TANGO6: variants seen among roughly 807,000 people sequenced by gnomAD.
TANGO6 encodes transport and golgi organization 6 homolog.
In TANGO6, 90 loss-of-function variants were observed where a neutral mutation model predicts 114.2. That is an observed-to-expected ratio of 0.79 (90% CI 0.66 to 0.94). The LOEUF (loss-of-function observed/expected upper bound fraction) is 0.94, where lower values mean the gene tolerates loss of function less well. TANGO6 is among the 40% of genes least tolerant of loss of function. The pLI is 0.00. For synonymous variants in TANGO6, 477 were observed against 509.8 expected (o/e 0.94, Z 0.87); for missense variants, 1,274 against 1,315.3 (o/e 0.97, Z 0.49).
At chr16:68,867,435 C>T in intron 4 of TANGO6, 2 of 530,156 alleles carry the variant, frequency 3.8e-6, no homozygotes, top group Non-Finnish European at 3.3e-6. Flanking sequence ...ACTTGTGATA[C>T]ACTGCCTATT....
chr16:68,921,721 T>C (rs1020822902), intron 12 of TANGO6, among the ~76,000 whole-genome samples: 9 of 151,460 alleles, frequency 5.9e-5, no homozygotes, highest in African/African-American at 1.7e-4. Context: ...AGAAGCCCAT[T>C]GTTGGAGGGC....
chr16:69,012,667 T>A (rs147555007), intron 15 of TANGO6, among the ~76,000 whole-genome samples: 9 of 152,036 alleles, frequency 5.9e-5, no homozygotes, highest in African/African-American at 2.2e-4. Flanking sequence ...ATCTAAATGT[T>A]GTAGTCTGTA....
chr16:69,036,115 T>C (rs985415013), intron 16 of TANGO6: 1 of 151,594 alleles, frequency 6.6e-6, no homozygotes, highest in African/African-American at 2.4e-5. Context: ...AATACACCAG[T>C]TCATCATCTA....
intron 7 of TANGO6, chr16:68,885,597 A>G (rs556474193): frequency 7.9e-5 from 12 of 152,474 alleles, no homozygotes; most frequent in African/African-American, 2.9e-4. Context: ...CAAGTGAAGC[A>G]GTCGGAGCGG....
At position 68,927,996 on chromosome 16, in the gene TANGO6, A is replaced by G; in HGVS notation, c.2556A>G (p.Pro852=). ...VLLSAYDPQI[P]TRAAALRTLS... ...TGTCAGCTTATGACCCTCAAATTCCAACACGGGCTGCTGCCCTGCGTACTC... is the reference window on the plus strand; with the variant it reads ...TGTCAGCTTATGACCCTCAAATTCCGACACGGGCTGCTGCCCTGCGTACTC... The change falls in exon 13 of 18, where the codon CCA becomes CCG. Residue 852 remains proline (P), a synonymous_variant. Transcript: ENST00000261778. The G allele has an allele frequency of 1.9e-6, 3 of 1,612,480 alleles. No individual in the cohort carries two copies.
intron 17 of TANGO6, among the ~76,000 whole-genome samples, chr16:69,080,032 G>A (rs1188467638): frequency 2.0e-5 from 3 of 152,128 alleles, no homozygotes; most frequent in African/African-American, 7.2e-5. Context: ...ACCAGCCTGC[G>A]CAATATAGCA....
chr16:69,072,492 A>T (rs1960313165), intron 17 of TANGO6, among the ~76,000 whole-genome samples: 1 of 152,052 alleles, frequency 6.6e-6, no homozygotes, highest in East Asian at 1.9e-4. Flanking sequence ...GGCTCCTGTA[A>T]CTTTACCTTT....
intron 17 of TANGO6, among the ~76,000 whole-genome samples, chr16:69,063,297 G>A (rs1241605318): frequency 1.3e-5 from 2 of 150,912 alleles, no homozygotes; most frequent in African/African-American, 4.9e-5. Context: ...AGGCCAAGGC[G>A]GGCGGATCAC....
In TANGO6 at chr16:69,083,949, G is replaced by A. The variant is rs1269932957; in HGVS notation, c.*288G>A. 1 of 246,236 alleles carries A rather than the reference G, an allele frequency of 4.1e-6. No homozygotes were observed. The highest frequency in any genetic ancestry group is 7.8e-6 in the Non-Finnish European group (1 of 128,696). 15.3% of individuals were successfully genotyped at this position (246,236 alleles called of 1,614,324 possible). On this transcript the variant is annotated 3_prime_UTR_variant, in exon 18 of 18. Coordinates refer to ENST00000261778, the MANE Select transcript of TANGO6 (RefSeq NM_024562.2). Reference sequence around the variant, plus strand: ...GCATTGAAAGAAGGATGTCTACCTGGTGAAAGTATATTTTAACATGACTGA... The same window carrying A: ...GCATTGAAAGAAGGATGTCTACCTGATGAAAGTATATTTTAACATGACTGA...
intron 16 of TANGO6, among the ~76,000 whole-genome samples, chr16:69,032,469 T>C (rs1959611739): frequency 6.6e-6 from 1 of 151,890 alleles, no homozygotes; most frequent in South Asian, 2.1e-4. Flanking sequence ...GATTTCACCA[T>C]GTTGCTCAGG....
At chr16:68,851,407 C>G (rs1406206063) in intron 1 of TANGO6, among the ~76,000 whole-genome samples, 1 of 152,174 alleles carries the variant, frequency 6.6e-6, no homozygotes, top group African/African-American at 2.4e-5. Flanking sequence ...ATCCGCCCAC[C>G]TCGGCCTCCC....
At chr16:68,943,088 A>G (rs1296614801) in intron 14 of TANGO6, among the ~76,000 whole-genome samples, 3 of 150,948 alleles carry the variant, frequency 2.0e-5, no homozygotes, top group African/African-American at 7.3e-5. Context: ...TTTTGTAGAG[A>G]CAGGATTGTG....
chr16:68,949,902 G>A (rs9922505), intron 14 of TANGO6, among the ~76,000 whole-genome samples: 12,006 of 151,854 alleles, frequency 0.079, 529 homozygotes, highest in African/African-American at 0.099. Flanking sequence ...AATATCTACC[G>A]CCTGATGAAT....
chr16:69,082,472 C>T (rs989876956), intron 17 of TANGO6, among the ~76,000 whole-genome samples: 4 of 151,008 alleles, frequency 2.6e-5, no homozygotes, highest in South Asian at 2.1e-4. Flanking sequence ...CTAGGCCAGG[C>T]GGGGTGGCTC....
At chr16:68,885,546 G>T (rs771360459) in intron 7 of TANGO6, 1 of 152,186 alleles carries the variant, frequency 6.6e-6, no homozygotes, top group Non-Finnish European at 1.5e-5. Context: ...TGGAATCATA[G>T]AATTTATGGT....
intron 16 of TANGO6, among the ~76,000 whole-genome samples, chr16:69,039,126 T>A (rs968562246): frequency 1.3e-5 from 2 of 151,804 alleles, no homozygotes; most frequent in African/African-American, 4.8e-5. Flanking sequence ...CGGAGCTTGC[T>A]GTGAGCCAAG....
chr16:68,870,404 C>T (rs1398963920), intron 4 of TANGO6, among the ~76,000 whole-genome samples: 2 of 152,098 alleles, frequency 1.3e-5, no homozygotes, highest in Admixed American at 6.6e-5. Context: ...TATTGCCTCC[C>T]CTCAGTTCTC....
chr16:68,971,822 G>A (rs1319506494), intron 14 of TANGO6, among the ~76,000 whole-genome samples: 1 of 151,346 alleles, frequency 6.6e-6, no homozygotes, highest in Non-Finnish European at 1.5e-5. Flanking sequence ...TAGTAGAGAC[G>A]GGGTTTCACC....
chr16:68,934,628 A>G (rs1215274868), intron 14 of TANGO6, among the ~76,000 whole-genome samples: 5 of 152,150 alleles, frequency 3.3e-5, no homozygotes, highest in African/African-American at 4.8e-5. Flanking sequence ...GTGCTTATGG[A>G]AGTCAGATAA....
Sources: gnomAD v4.1 joint callset for allele counts (sites outside exome capture counted in the v4.1 genomes callset) on GRCh38, gnomAD v4.1.1 for gene constraint, MANE v1.5 for transcripts, NCBI Gene and HGNC (gene_info 2026-07-23, HGNC 2026-07-21) for gene names.